The following GPHN variants were observed in gnomAD, a reference collection of about 807,000 sequenced individuals.
GPHN encodes the protein gephyrin.
Under a neutral mutation model 95.5 loss-of-function variants are expected in GPHN, and 17 were observed. That is an observed-to-expected ratio of 0.18 (90% CI 0.12 to 0.27). The LOEUF (loss-of-function observed/expected upper bound fraction) is 0.27. Ranked by LOEUF, GPHN falls within the 10% of genes least tolerant of loss-of-function variation. The pLI, the probability that GPHN is intolerant of heterozygous loss-of-function variation, is 1.00. For missense variants in GPHN, 660 were observed against 978.1 expected (o/e 0.67, Z 4.34); for synonymous variants, 320 against 322.5 (o/e 0.99, Z 0.08).
At chr14:66,947,745 G>C (rs762487712) in intron 8 of GPHN, among the ~76,000 whole-genome samples, 1 of 152,056 alleles carries the variant, frequency 6.6e-6, no homozygotes, top group African/African-American at 2.4e-5. Flanking sequence ...ATTGCTTGAG[G>C]CCAAGAGTTC....
At chr14:67,640,888 C>T in the GPHN span, among the ~76,000 whole-genome samples, 6 of 152,146 alleles carry the variant, frequency 3.9e-5, no homozygotes, top group Non-Finnish European at 7.4e-5. Context: ...GGTTGAGCGT[C>T]CCTAATCCAG....
intron 4 of GPHN, among the ~76,000 whole-genome samples, chr14:66,870,472 A>G (rs988597898): frequency 2.0e-5 from 3 of 152,172 alleles, no homozygotes; most frequent in African/African-American, 4.8e-5. Flanking sequence ...ACCCCTAACT[A>G]CTGTATTTTC....
At chr14:66,648,327 T>C (rs943015887) in intron 1 of GPHN, among the ~76,000 whole-genome samples, 1 of 152,172 alleles carries the variant, frequency 6.6e-6, no homozygotes. Flanking sequence ...TTAGTCCTTA[T>C]GGATTTCTTT....
the GPHN span, among the ~76,000 whole-genome samples, chr14:67,699,899 T>C: frequency 2.0e-5 from 3 of 152,166 alleles, no homozygotes; most frequent in African/African-American, 4.8e-5. Flanking sequence ...TCCAGCACTT[T>C]GGGAGGCCGA....
rs746370838 is a variant in GPHN, at chr14:66,824,456, A to G, written c.202-18A>G. On this transcript the variant is annotated intron_variant, in intron 3 of 22. Coordinates refer to ENST00000478722, the MANE Select transcript of GPHN (RefSeq NM_020806.5). ...GGCAAATTTTTCTGCACATGACTAT[A>G]CTATTGTTTTCTTTCAGGAAACCCT... is the stretch of plus-strand genomic sequence containing the variant. 6 of 1,352,126 alleles carry G rather than the reference A, an allele frequency of 4.4e-6. No individual in the cohort carries two copies. Among genetic ancestry groups the G allele is most frequent in the African/African-American group, 1.5e-5 (1 of 68,426 alleles). The allele number at this position is 1,352,126 out of a possible 1,614,324, so 83.8% of individuals were successfully genotyped here. A position where few individuals can be genotyped will look rare whatever the true frequency, so the allele number is the denominator to read the frequency against.
the GPHN span, chr14:67,467,466 G>A: frequency 2.0e-5 from 3 of 152,210 alleles, no homozygotes; most frequent in Non-Finnish European, 4.4e-5. Flanking sequence ...TGGGAAGGAG[G>A]GAGGGAGGGG....
the GPHN span, among the ~76,000 whole-genome samples, chr14:67,441,517 T>A: frequency 6.6e-6 from 1 of 152,182 alleles, no homozygotes; most frequent in East Asian, 1.9e-4. Flanking sequence ...ACTTCTCCAA[T>A]GGGCTCAGTA....
At chr14:66,724,962 T>C (rs929992852) in intron 2 of GPHN, among the ~76,000 whole-genome samples, 1 of 152,212 alleles carries the variant, frequency 6.6e-6, no homozygotes, top group African/African-American at 2.4e-5. Context: ...TATATGTTGA[T>C]GCACTGATTG....
At chr14:67,654,193 A>C in the GPHN span, among the ~76,000 whole-genome samples, 1 of 151,906 alleles carries the variant, frequency 6.6e-6, no homozygotes, top group Non-Finnish European at 1.5e-5. Flanking sequence ...TGCAGCCTCG[A>C]CCTCCCAGGC....
At chr14:67,294,158 T>G in the GPHN span, among the ~76,000 whole-genome samples, 1 of 152,192 alleles carries the variant, frequency 6.6e-6, no homozygotes, top group Non-Finnish European at 1.5e-5. Context: ...AGTTCACTAT[T>G]TTAAAAGTAC....
chr14:67,472,289 T>A, the GPHN span: 1 of 152,318 alleles, frequency 6.6e-6, no homozygotes, highest in Non-Finnish European at 1.5e-5. Context: ...TCTCCAATGC[T>A]GGATACCTGG....
In GPHN at chr14:66,828,767, C is replaced by G. The variant is rs75593682; in HGVS notation, c.294+4201C>G. 3.1e-3 allele frequency among the ~76,000 whole-genome samples: 470 copies of G among 151,980 alleles called. 18 individuals are homozygous for G. The highest frequency in any genetic ancestry group is 0.011 in the African/African-American group (445 of 41,410). On this transcript the variant is annotated intron_variant, in intron 4 of 22. Transcript: ENST00000478722. ...TAGATAAAATGAAAAATTTAATCAA[C>G]AGATTTCTCTCCAGGTCTATTAAAA...
chr14:66,562,860 T>C (rs2060320239), intron 1 of GPHN, among the ~76,000 whole-genome samples: 1 of 152,046 alleles, frequency 6.6e-6, no homozygotes, highest in African/African-American at 2.4e-5. Flanking sequence ...CAGAGGATTT[T>C]GTGTCTGTGT....
intron 1 of GPHN, among the ~76,000 whole-genome samples, chr14:66,575,986 C>CA (rs1274306010): frequency 6.6e-6 from 1 of 152,082 alleles, no homozygotes; most frequent in African/African-American, 2.4e-5. Flanking sequence ...AGCATGGGTC[C>CA]ACAGGCGTGG....
chr14:66,950,314 C>CA (rs2068027246), intron 8 of GPHN, among the ~76,000 whole-genome samples: 1 of 152,102 alleles, frequency 6.6e-6, no homozygotes, highest in Non-Finnish European at 1.5e-5. Context: ...CAAGGTAGAT[C>CA]CTCACTACTC....
chr14:67,691,068 C>T, the GPHN span: 1 of 967,570 alleles, frequency 1.0e-6, no homozygotes, highest in Non-Finnish European at 1.7e-6. Flanking sequence ...CAAGAAGCCT[C>T]AATCTGACCC....
At chr14:67,671,433 T>G in the GPHN span, among the ~76,000 whole-genome samples, 333 of 151,960 alleles carry the variant, frequency 2.2e-3, 1 homozygote, top group African/African-American at 7.5e-3. Context: ...GGCTGAGGCA[T>G]GAGAATCACT....
At chr14:67,058,499 G>A (rs2153649079) in intron 10 of GPHN, 150 bp from the exon 11 acceptor site, 1 of 712,316 alleles carries the variant, frequency 1.4e-6, no homozygotes, top group South Asian at 1.6e-5. Context: ...ACCAGAGCAG[G>A]CTGTATTTTG....
chr14:66,693,772 C>G (rs2067941133), intron 2 of GPHN, among the ~76,000 whole-genome samples: 1 of 152,120 alleles, frequency 6.6e-6, no homozygotes. Context: ...TTCAACCAGT[C>G]AAGGTGGCAC....
Sources: gnomAD v4.1 joint callset for allele counts (sites outside exome capture counted in the v4.1 genomes callset) on GRCh38, gnomAD v4.1.1 for gene constraint, MANE v1.5 for transcripts, NCBI Gene and HGNC (gene_info 2026-07-23, HGNC 2026-07-21) for gene names.